TCF7: variants seen among roughly 807,000 people sequenced by gnomAD.
TCF7 encodes transcription factor 7.
In TCF7, 19 loss-of-function variants were observed where a neutral mutation model predicts 46.8. That is an observed-to-expected ratio of 0.41 (90% CI 0.28 to 0.60). The LOEUF is 0.60. TCF7 is among the 20% of genes least tolerant of loss of function. TCF7 has a pLI of 0.35. For synonymous variants in TCF7, 245 were observed against 213.4 expected (o/e 1.15, Z -1.29); for missense variants, 547 against 504.6 (o/e 1.08, Z -0.81).
At chr5:134,141,308 G>GT in intron 5 of TCF7, 1 of 153,812 alleles carries the variant, frequency 6.5e-6, no homozygotes, top group East Asian at 1.9e-4. Context: ...TGTGCAAGCA[G>GT]TAAGGGGCAG....
intron 3 of TCF7, among the ~76,000 whole-genome samples, chr5:134,129,887 C>T (rs2149313312): frequency 6.6e-6 from 1 of 152,384 alleles, no homozygotes; most frequent in Admixed American, 6.5e-5. Flanking sequence ...GTGGCAACAG[C>T]CTTGTGCCAG....
intron 3 of TCF7, among the ~76,000 whole-genome samples, chr5:134,131,115 G>C (rs17167286): frequency 6.6e-6 from 1 of 152,114 alleles, no homozygotes; most frequent in African/African-American, 2.4e-5. Flanking sequence ...TGCTCCAAGC[G>C]GAGGGAATCA....
intron 3 of TCF7, among the ~76,000 whole-genome samples, chr5:134,121,068 C>G (rs747737525): frequency 1.3e-5 from 2 of 152,142 alleles, no homozygotes; most frequent in African/African-American, 4.8e-5. Flanking sequence ...ACTGGGGACT[C>G]AGGTGTACAG....
chr5:134,122,587 G>C (rs1397413836), intron 3 of TCF7, among the ~76,000 whole-genome samples: 1 of 152,168 alleles, frequency 6.6e-6, no homozygotes, highest in East Asian at 1.9e-4. Flanking sequence ...AGGGCTCTGG[G>C]GGTGCTGGTT....
intron 3 of TCF7, among the ~76,000 whole-genome samples, chr5:134,131,013 TGAG>T (rs767375499): frequency 6.6e-6 from 1 of 152,212 alleles, no homozygotes; most frequent in Admixed American, 6.5e-5. Context: ...CCTCCTCAGA[TGAG>T]GAGGATAGCA....
chr5:134,142,160 G>A (rs770757628), intron 5 of TCF7, 25 bp from the exon 6 acceptor site: 4 of 1,613,822 alleles, frequency 2.5e-6, no homozygotes, highest in South Asian at 2.2e-5. Flanking sequence ...TCTTGGCTCA[G>A]TGTTAACTTT....
intron 3 of TCF7, among the ~76,000 whole-genome samples, chr5:134,116,826 A>G (rs1580791186): frequency 6.6e-6 from 1 of 152,230 alleles, no homozygotes; most frequent in African/African-American, 2.4e-5. Context: ...AGAAATTCCT[A>G]TTCGTGTTTC....
intron 5 of TCF7, 23 bp downstream of exon 5, chr5:134,139,061 AG>A (rs1315989745): frequency 6.2e-7 from 1 of 1,612,868 alleles, no homozygotes; most frequent in Admixed American, 1.7e-5. Flanking sequence ...CCAATGGGAA[AG>A]GGGTACCGTG....
chr5:134,129,022 G>A (rs1757731932), intron 3 of TCF7, among the ~76,000 whole-genome samples: 1 of 152,210 alleles, frequency 6.6e-6, no homozygotes, highest in South Asian at 2.1e-4. Flanking sequence ...GCCTGTTGAG[G>A]CCTGTCACTG....
chr5:134,124,589 C>T (rs975657038), intron 3 of TCF7, among the ~76,000 whole-genome samples: 6 of 152,178 alleles, frequency 3.9e-5, no homozygotes, highest in African/African-American at 9.7e-5. Flanking sequence ...GCCCTCACCC[C>T]GCAGCCCCAA....
intron 3 of TCF7, among the ~76,000 whole-genome samples, chr5:134,134,603 C>G (rs77818793): frequency 6.6e-6 from 1 of 152,304 alleles, no homozygotes; most frequent in South Asian, 2.1e-4. Context: ...TTAACAGGCC[C>G]TTGGCTCCTT....
intron 5 of TCF7, chr5:134,140,647 A>T: frequency 2.7e-6 from 1 of 370,854 alleles, no homozygotes; most frequent in Non-Finnish European, 5.3e-6. Context: ...AAACCGCACA[A>T]GCTGCCCTCT....
At chr5:134,111,236 C>T (rs1178186587), upstream of TCF7, among the ~76,000 whole-genome samples, 1 of 152,168 alleles carries the variant, frequency 6.6e-6, no homozygotes, top group Non-Finnish European at 1.5e-5. Context: ...CTCATCTGCT[C>T]CAACAACCCT....
At chr5:134,128,230 A>T (rs1757615196) in intron 3 of TCF7, among the ~76,000 whole-genome samples, 1 of 152,152 alleles carries the variant, frequency 6.6e-6, no homozygotes, top group Non-Finnish European at 1.5e-5. Context: ...TGTTTGCGTC[A>T]TGCTACACCC....
chr5:134,142,934 G>GCCTGGTGCAGCCTGCTGACTC, intron 7 of TCF7, 51 bp downstream of exon 7: 1 of 1,611,864 alleles, frequency 6.2e-7, no homozygotes, highest in East Asian at 2.2e-5. Flanking sequence ...ACCATCTTCA[G>GCCTGGTGCAGCCTGCTGACTC]CCTGGTGCAG....
At chr5:134,125,377 C>T (rs1168083609) in intron 3 of TCF7, among the ~76,000 whole-genome samples, 1 of 152,252 alleles carries the variant, frequency 6.6e-6, no homozygotes, top group African/African-American at 2.4e-5. Flanking sequence ...GACCTCTGCA[C>T]GCACACCCAC....
intron 3 of TCF7, among the ~76,000 whole-genome samples, chr5:134,119,245 C>G (rs892325585): frequency 6.6e-6 from 1 of 152,070 alleles, no homozygotes; most frequent in Admixed American, 6.5e-5. Context: ...AGACAGATGC[C>G]GAGCCTTTTG....
In TCF7 at chr5:134,143,580, T is replaced by G. The variant is rs184851472; in HGVS notation, c.1027-12T>G. On this transcript the variant is annotated splice_polypyrimidine_tract_variant and intron_variant, in intron 8 of 9. Coordinates refer to ENST00000342854, the MANE Select transcript of TCF7 (RefSeq NM_003202.5). ...TCCCAGATCTGAGCATCCCTCCTTT[T>G]GTTCCCTGCAGGGGAAGAAGAAGAG... 2.6e-5 allele frequency: 42 copies of G among 1,614,152 alleles called. No homozygotes were observed. The East Asian group carries it at 8.5e-4, about 33-fold the overall frequency.
intron 3 of TCF7, among the ~76,000 whole-genome samples, chr5:134,125,223 C>G (rs1033567522): frequency 1.3e-5 from 2 of 152,354 alleles, no homozygotes; most frequent in African/African-American, 4.8e-5. Context: ...CTGGTGGCAG[C>G]GGGCCCAGCC....
Sources: gnomAD v4.1 joint callset for allele counts (sites outside exome capture counted in the v4.1 genomes callset) on GRCh38, gnomAD v4.1.1 for gene constraint, MANE v1.5 for transcripts, NCBI Gene and HGNC (gene_info 2026-07-23, HGNC 2026-07-21) for gene names.